The following TNR variants were observed in gnomAD, a reference collection of about 807,000 sequenced individuals.
TNR encodes tenascin-R.
A neutral mutation model predicts 150.4 loss-of-function variants in TNR; 45 were observed. The ratio of observed to expected loss-of-function variants is 0.30; its 90% confidence interval spans 0.24 to 0.38. The LOEUF (loss-of-function observed/expected upper bound fraction) is 0.38, where lower values mean the gene tolerates loss of function less well. Among genes scored for constraint, TNR ranks in the 10% least tolerant of loss-of-function variants. TNR has a pLI of 1.00. For synonymous variants in TNR, 687 were observed against 678.4 expected (o/e 1.01, Z -0.20); for missense variants, 1,544 against 1,759.1 (o/e 0.88, Z 2.19).
chr1:175,547,597 G>GAAAC (rs1241386727), intron 1 of TNR, among the ~76,000 whole-genome samples: 2 of 24,316 alleles, frequency 8.2e-5, no homozygotes, highest in Admixed American at 7.7e-4. Flanking sequence ...AAGAAAGAAA[G>GAAAC]AAAGAAAGAA....
rs73032430 is a variant in TNR, at chr1:175,324,620, T to C, written c.3794-101A>G. ...TTCCAGCAAACCTGGCTTCCACTTATGGAACCTTTTCATTTCCACCCAGTT... is the reference window on the plus strand; with the variant it reads ...TTCCAGCAAACCTGGCTTCCACTTACGGAACCTTTTCATTTCCACCCAGTT... On this transcript the variant is annotated intron_variant, in intron 21 of 22. Transcript: ENST00000367674. The C allele has an allele frequency of 6.0e-3, 8,193 of 1,365,570 alleles. 386 individuals carry two copies. The African/African-American group carries it at 0.1, about 17-fold the overall frequency. 84.6% of individuals were successfully genotyped at this position (1,365,570 alleles called of 1,614,324 possible). A position where few individuals can be genotyped will look rare whatever the true frequency, so the allele number is the denominator to read the frequency against.
chr1:175,439,450 A>G (rs1306388036), intron 2 of TNR, among the ~76,000 whole-genome samples: 2 of 152,130 alleles, frequency 1.3e-5, no homozygotes, highest in Non-Finnish European at 1.5e-5. Context: ...AATACCATTC[A>G]GGACATAGGC....
chr1:175,389,498 G>T (rs777933575), intron 7 of TNR, among the ~76,000 whole-genome samples: 20 of 152,182 alleles, frequency 1.3e-4, no homozygotes, highest in Non-Finnish European at 2.2e-4. Flanking sequence ...GCCTTGCTGG[G>T]TCTCCCCCTT....
intron 1 of TNR, among the ~76,000 whole-genome samples, chr1:175,549,043 A>G (rs556492720): frequency 6.6e-6 from 1 of 152,274 alleles, no homozygotes; most frequent in Non-Finnish European, 1.5e-5. Flanking sequence ...CACAAAATCC[A>G]TACACGTGCC....
intron 1 of TNR, among the ~76,000 whole-genome samples, chr1:175,547,619 AAC>A (rs1187979520): frequency 0.098 from 2,346 of 23,934 alleles, 61 homozygotes; most frequent in African/African-American, 0.17. Context: ...GAAACAAAGA[AAC>A]AAAGAAAGAA....
intron 2 of TNR, among the ~76,000 whole-genome samples, chr1:175,428,755 T>C (rs1655128317): frequency 1.3e-5 from 2 of 152,206 alleles, no homozygotes; most frequent in African/African-American, 4.8e-5. Context: ...TTTTTCCCCC[T>C]GTGCTGCACG....
intron 20 of TNR, 116 bp downstream of exon 20, chr1:175,335,595 C>CTGTT (rs1247428194): frequency 2.1e-6 from 2 of 951,302 alleles, no homozygotes; most frequent in African/African-American, 3.3e-5. Flanking sequence ...AATTCAGGAG[C>CTGTT]TGTTAGCTTC....
Position 175,323,401 on chromosome 1 carries a change from G to C in TNR, c.4033C>G (p.His1345Asp), listed in dbSNP as rs768619309. ...FVEMKMRPYNHRLMAGRKRQS... is the reference protein window; with the variant it reads ...FVEMKMRPYNDRLMAGRKRQS... ...CGTTTTCTCCCTGCCATGAGACGGT[G>C]GTTGTAGGGGCGCATCTTCATTTCC... is the stretch of plus-strand genomic sequence containing the variant. Residue 1345 changes from histidine to aspartate, a missense_variant, in exon 23 of 23, where the codon CAC (histidine) becomes GAC (aspartate). Physicochemically the swap from His to Asp is moderately conservative, Grantham distance 81. Around this residue, in one of 2 missense-constraint regions of TNR, gnomAD observed 290 missense variants for 429.7 expected, o/e 0.67. Transcript: ENST00000367674. 2.5e-6 allele frequency: 4 copies of C among 1,614,008 alleles called. No homozygotes were observed. The East Asian group carries it at 8.9e-5, about 36-fold the overall frequency.
intron 1 of TNR, among the ~76,000 whole-genome samples, chr1:175,640,557 G>A (rs1664623512): frequency 6.6e-6 from 1 of 152,096 alleles, no homozygotes; most frequent in Non-Finnish European, 1.5e-5. Flanking sequence ...ATTTTGTGAA[G>A]AGCCCATATT....
chr1:175,356,595 G>T, intron 15 of TNR, 133 bp from the exon 16 acceptor site: 1 of 1,040,706 alleles, frequency 9.6e-7, no homozygotes, highest in Non-Finnish European at 1.4e-6. Context: ...AGGTTATCTA[G>T]CTTAGTATCT....
chr1:175,523,698 T>C (rs1292259181), intron 2 of TNR, among the ~76,000 whole-genome samples: 1 of 152,196 alleles, frequency 6.6e-6, no homozygotes, highest in African/African-American at 2.4e-5. Flanking sequence ...ATCTGGACTA[T>C]TAGAGCAACT....
chr1:175,410,126 T>G (rs1654142735), intron 2 of TNR, among the ~76,000 whole-genome samples: 1 of 152,018 alleles, frequency 6.6e-6, no homozygotes, highest in Non-Finnish European at 1.5e-5. Context: ...GTGAGCTGAA[T>G]AGATAGTGAG....
chr1:175,702,627 G>T (rs1038787671), intron 1 of TNR, among the ~76,000 whole-genome samples: 2 of 152,186 alleles, frequency 1.3e-5, no homozygotes, highest in African/African-American at 2.4e-5. Context: ...GTGTGTGTGT[G>T]TATACAGAGC....
At chr1:175,613,165 C>T (rs566493967) in intron 1 of TNR, among the ~76,000 whole-genome samples, 2 of 152,230 alleles carry the variant, frequency 1.3e-5, no homozygotes, top group East Asian at 3.9e-4. Context: ...GTAAGCAGAG[C>T]TATCTTTCTA....
At chr1:175,496,153 T>C (rs1300826109) in intron 2 of TNR, among the ~76,000 whole-genome samples, 2 of 152,190 alleles carry the variant, frequency 1.3e-5, no homozygotes, top group Admixed American at 6.5e-5. Context: ...TCATCACTTT[T>C]ATTTTTTGAG....
At chr1:175,676,109 T>C (rs538541481) in intron 1 of TNR, among the ~76,000 whole-genome samples, 27 of 152,278 alleles carry the variant, frequency 1.8e-4, no homozygotes, top group African/African-American at 6.5e-4. Flanking sequence ...TTTACAAATG[T>C]ACAGCTTTCA....
chr1:175,414,088 C>A (rs975287411), intron 2 of TNR, among the ~76,000 whole-genome samples: 1 of 84,592 alleles, frequency 1.2e-5, no homozygotes, highest in Non-Finnish European at 2.4e-5. Context: ...CAGTGCACTC[C>A]ATCCTGGGTG....
At chr1:175,555,048 T>C (rs1400755981) in intron 1 of TNR, among the ~76,000 whole-genome samples, 6 of 152,202 alleles carry the variant, frequency 3.9e-5, no homozygotes, top group Non-Finnish European at 7.3e-5. Flanking sequence ...GCAACTTGTA[T>C]AGATTTTCCA....
intron 2 of TNR, among the ~76,000 whole-genome samples, chr1:175,491,190 G>T (rs544226343): frequency 0.025 from 3 of 122 alleles, no homozygotes; most frequent in African/African-American, 0.11. Context: ...GGGCACATGT[G>T]GGGGAACACA....
Sources: allele counts gnomAD v4.1 joint callset (sites outside exome capture counted in the v4.1 genomes callset), GRCh38; gene constraint gnomAD v4.1.1; regional missense constraint gnomAD v4.1.1; transcripts MANE v1.5; gene names NCBI Gene and HGNC (gene_info 2026-07-23, HGNC 2026-07-21).